LAMA3: variants seen among roughly 807,000 people sequenced by gnomAD.
LAMA3 encodes laminin subunit alpha-3.
In LAMA3, 281 loss-of-function variants were observed where a neutral mutation model predicts 402.0. The observed-to-expected ratio is 0.70, with a 90% CI of 0.63 to 0.77. LAMA3 has a LOEUF of 0.77. LAMA3 is among the 30% of genes least tolerant of loss of function. The pLI, the probability that LAMA3 is intolerant of heterozygous loss-of-function variation, is 0.00. For missense variants in LAMA3, 3,840 were observed against 4,215.5 expected (o/e 0.91, Z 2.47); for synonymous variants, 1,431 against 1,558.4 (o/e 0.92, Z 1.93).
intron 46 of LAMA3, 57 bp downstream of exon 46, chr18:23,899,122 A>G: frequency 1.5e-6 from 2 of 1,365,252 alleles, no homozygotes; most frequent in Admixed American, 3.5e-5. Flanking sequence ...CCTTCATTGT[A>G]CACTAAAAGA....
chr18:23,882,643 G>A (rs1452431111), intron 40 of LAMA3, among the ~76,000 whole-genome samples: 2 of 151,310 alleles, frequency 1.3e-5, no homozygotes, highest in African/African-American at 2.4e-5. Flanking sequence ...AACAGAAACC[G>A]TCTTTCCAAG....
chr18:23,847,476 G>T lies in LAMA3; in HGVS notation c.3944G>T (p.Gly1315Val). Reference protein sequence around the residue: ...GFPRCKPCSCGRRLCEEMTGQ... With the variant: ...GFPRCKPCSCVRRLCEEMTGQ... ...ATCCCCTGGCCAGCGTGCAGCTGTGGTCGGCGCCTTTGTGAAGAGATGACG... is the reference window on the plus strand; with the variant it reads ...ATCCCCTGGCCAGCGTGCAGCTGTGTTCGGCGCCTTTGTGAAGAGATGACG... Residue 1315 changes from glycine to valine, a missense_variant, in exon 32 of 75, where the codon GGT (glycine) becomes GTT (valine). Physicochemically the swap from Gly to Val is moderately radical, Grantham distance 109 (BLOSUM62 -3). Coordinates refer to ENST00000313654, the MANE Select transcript of LAMA3 (RefSeq NM_198129.4). 2 of 1,612,512 alleles carry T rather than the reference G, an allele frequency of 1.2e-6. No individual in the cohort carries two copies. Among genetic ancestry groups the T allele is most frequent in the Non-Finnish European group, 8.5e-7 (1 of 1,180,016 alleles).
At chr18:23,747,010 C>A (rs1465160719) in intron 2 of LAMA3, among the ~76,000 whole-genome samples, 1 of 151,902 alleles carries the variant, frequency 6.6e-6, no homozygotes, top group Non-Finnish European at 1.5e-5. Context: ...ACTAGAGGAG[C>A]CTGTGGTTCA....
Position 23,908,925 on chromosome 18 carries a change from G to A in LAMA3, c.7016-228G>A, listed in dbSNP as rs11662194. Among the ~76,000 whole-genome samples the A allele has an allele frequency of 0.63, 95,763 of 151,944 alleles. 30,758 individuals are homozygous for A. The highest frequency in any genetic ancestry group is 0.78 in the Middle Eastern group (228 of 294). On this transcript the variant is annotated intron_variant, in intron 54 of 74. Coordinates refer to ENST00000313654, the MANE Select transcript of LAMA3 (RefSeq NM_198129.4). ...AAAACTTATGAATTGCTTATTTCTG[G>A]AATTTTTCTTTTTTAATATTTTTGG...
rs529177655 is a variant in LAMA3 at position 23,948,383 on chromosome 18, G to A, written c.9352-1382G>A. 1.1e-4 allele frequency among the ~76,000 whole-genome samples: 16 copies of A among 152,258 alleles called. No individual in the cohort carries two copies. In the East Asian group the frequency reaches 2.9e-3, roughly 28 times the overall value. On this transcript the variant is annotated intron_variant, in intron 70 of 74. Transcript: ENST00000313654. ...GTGTCTGCCTCTGAACACCGGCACT[G>A]CAGTCAGCCCTTAGGGATCAATGCT...
intron 1 of LAMA3, among the ~76,000 whole-genome samples, chr18:23,700,534 T>C (rs889291706): frequency 6.6e-6 from 1 of 152,176 alleles, no homozygotes; most frequent in Non-Finnish European, 1.5e-5. Context: ...TTAAATGTAT[T>C]CCTTCCTAAA....
chr18:23,899,892 G>T (rs1160972947), intron 47 of LAMA3, among the ~76,000 whole-genome samples: 2 of 152,010 alleles, frequency 1.3e-5, no homozygotes, highest in African/African-American at 2.4e-5. Context: ...TCAGATTTTT[G>T]ATTTTTTTGG....
At chr18:23,805,347 C>T (rs775566790) in intron 12 of LAMA3, among the ~76,000 whole-genome samples, 11 of 152,212 alleles carry the variant, frequency 7.2e-5, no homozygotes, top group Non-Finnish European at 1.2e-4. Context: ...ACCACCCCTG[C>T]ATCTTTCAAG....
At chr18:23,867,810 A>C (rs774308507) in intron 36 of LAMA3, 24 bp from the exon 37 acceptor site, 1 of 1,576,624 alleles carries the variant, frequency 6.3e-7, no homozygotes, top group South Asian at 1.1e-5. Context: ...AGGTACTAAC[A>C]CATTCATGGT....
At chr18:23,917,245 C>T (rs2081663670) in intron 60 of LAMA3, among the ~76,000 whole-genome samples, 1 of 152,106 alleles carries the variant, frequency 6.6e-6, no homozygotes, top group African/African-American at 2.4e-5. Context: ...GTATATGTAC[C>T]TCATTTTCTT....
chr18:23,822,336 G>A lies in LAMA3; in HGVS notation c.2389G>A (p.Glu797Lys). The part of the protein sequence containing the change: ...VILRYVNPGT[E>K]AVSGHITIYP... ...TCTGAGATACGTTAACCCTGGAACT[G>A]AAGCAGTATCTGGCCATATAACTAT... is the stretch of plus-strand genomic sequence containing the variant. Residue 797 changes from glutamate to lysine, a missense_variant, in exon 20 of 75, where the codon GAA becomes AAA. Transcript: ENST00000313654. 6.2e-7 allele frequency: 1 copy of A among 1,613,942 alleles called. No individual in the cohort carries two copies. Among genetic ancestry groups the A allele is most frequent in the Non-Finnish European group, 8.5e-7 (1 of 1,179,816 alleles).
intron 8 of LAMA3, among the ~76,000 whole-genome samples, chr18:23,772,600 C>T (rs1446404504): frequency 6.6e-6 from 1 of 152,128 alleles, no homozygotes; most frequent in Non-Finnish European, 1.5e-5. Context: ...CAGATTTTAG[C>T]CTATGGGAAA....
intron 67 of LAMA3, among the ~76,000 whole-genome samples, chr18:23,934,872 A>C (rs1568363523): frequency 1.3e-5 from 2 of 152,204 alleles, no homozygotes; most frequent in Admixed American, 6.5e-5. Context: ...TTCTCTACCA[A>C]TATTTCCCCA....
chr18:23,704,288 CT>C (rs1300234956), intron 1 of LAMA3, among the ~76,000 whole-genome samples: 1 of 152,178 alleles, frequency 6.6e-6, no homozygotes, highest in Non-Finnish European at 1.5e-5. Context: ...CATTCCAGGG[CT>C]GTTTCACACC....
chr18:23,768,997 C>T lies in LAMA3; in HGVS notation c.1183-4500C>T, dbSNP rs574008966. On this transcript the variant is annotated intron_variant, in intron 8 of 74. Transcript: ENST00000313654. ...CACTGGGGACTACTAGAGGGGAGAG[C>T]GAAGAAGGGCGACAAGGGTCGAAAA... Among the ~76,000 whole-genome samples, 19 of 152,160 alleles carry T rather than the reference C, an allele frequency of 1.2e-4. No homozygotes were observed. In the South Asian group the frequency reaches 2.3e-3, roughly 18 times the overall value.
intron 24 of LAMA3, chr18:23,834,395 C>A: frequency 5.1e-6 from 1 of 195,692 alleles, no homozygotes. Context: ...GCACACCTAC[C>A]TTTGCAACAC....
At chr18:23,698,083 A>T (rs940350305) in intron 1 of LAMA3, among the ~76,000 whole-genome samples, 44 of 123,570 alleles carry the variant, frequency 3.6e-4, no homozygotes, top group African/African-American at 1.3e-3. Flanking sequence ...ATCTCAAAAT[A>T]CAGTCCTATT....
intron 12 of LAMA3, among the ~76,000 whole-genome samples, chr18:23,801,956 A>G (rs2062873709): frequency 6.6e-6 from 1 of 152,244 alleles, no homozygotes; most frequent in African/African-American, 2.4e-5. Context: ...ATACGCATAT[A>G]CAGAAAAAAC....
At position 23,932,206 on chromosome 18, in the gene LAMA3, C is replaced by T. The variant is rs772529362; in HGVS notation, c.8623C>T (p.Leu2875=). 6.8e-6 allele frequency: 11 copies of T among 1,614,016 alleles called. No homozygotes were observed. The East Asian group carries it at 2.0e-4, about 29-fold the overall frequency. ...CCAGCTTCTGAGAAATAGCAAAAGGCTAAAACACATTTCAAGTTCCCGGCA... is the reference window on the plus strand; with the variant it reads ...CCAGCTTCTGAGAAATAGCAAAAGGTTAAAACACATTTCAAGTTCCCGGCA... ...DDQLLRNSKR[L]KHISSSRQSL... is the part of the protein sequence containing the mutation. The change falls in exon 66 of 75, where the codon CTA becomes TTA. Residue 2875 remains leucine (L), a synonymous_variant. Transcript: ENST00000313654.
Sources: allele counts gnomAD v4.1 joint callset (sites outside exome capture counted in the v4.1 genomes callset), GRCh38; gene constraint gnomAD v4.1.1; transcripts MANE v1.5; gene names NCBI Gene and HGNC (gene_info 2026-07-23, HGNC 2026-07-21).